The following KLK1 variants were observed in gnomAD, a reference collection of about 807,000 sequenced individuals.
KLK1 encodes kallikrein-1.
In KLK1, 22 loss-of-function variants were observed where a neutral mutation model predicts 23.3. That is an observed-to-expected ratio of 0.95 (90% confidence interval 0.68 to 1.35). KLK1 has a LOEUF of 1.35. KLK1 is among the 40% of genes most tolerant of loss of function. KLK1 has a pLI of 0.00. For missense variants in KLK1, 301 were observed against 338.9 expected (o/e 0.89, Z 0.88); for synonymous variants, 140 against 135.8 (o/e 1.03, Z -0.21).
At chr19:50,822,073 C>G (rs1173273966) in intron 1 of KLK1, 20 of 1,354,216 alleles carry the variant, frequency 1.5e-5, no homozygotes, top group Non-Finnish European at 1.9e-5. Flanking sequence ...GTGGCTGGAC[C>G]TGGTGGGGAG....
intron 2 of KLK1, 132 bp from the exon 3 acceptor site, chr19:50,820,575 G>A (rs1398585375): frequency 6.1e-6 from 4 of 659,468 alleles, no homozygotes; most frequent in African/African-American, 1.8e-5. Flanking sequence ...GACAGAGGAA[G>A]AAAGATATAG....
In KLK1 at chr19:50,820,391, C is replaced by T. The variant is rs764480797; in HGVS notation, c.259G>A (p.Ala87Thr). Residue 87 changes from alanine to threonine, a missense_variant, in exon 3 of 5, where the codon GCC becomes ACC. Transcript: ENST00000301420. ...CTCTCACTGACATGAACAAACTGGG[C>T]TGTGTTTTCGTCGTCAAACAAGTTG... Reference protein sequence around the residue: ...RHNLFDDENTAQFVHVSESFP... With the variant: ...RHNLFDDENTTQFVHVSESFP... 21 of 1,611,586 alleles carry T rather than the reference C, an allele frequency of 1.3e-5. No individual in the cohort carries two copies. In the South Asian group the frequency reaches 2.3e-4, roughly 18 times the overall value.
intron 2 of KLK1, 140 bp from the exon 3 acceptor site, chr19:50,820,583 T>C (rs961227147): frequency 1.4e-5 from 9 of 639,030 alleles, no homozygotes; most frequent in South Asian, 1.4e-4. Context: ...AAGAAAGATA[T>C]AGTTATGGAG....
rs761980515 is a variant in KLK1, at chr19:50,819,899, C to T, written c.633G>A (p.Val211=). 4 of 1,614,004 alleles carry T rather than the reference C, an allele frequency of 2.5e-6. No homozygotes were observed. The South Asian group carries it at 4.4e-5, about 18-fold the overall frequency. ...GHLEGGKDTC[V]GDSGGPLMCD... is the part of the protein sequence containing the mutation. ...GACCCTGGGGGCAGGGCTGCCTCAC[C>T]ACACAGGTGTCTTTGCCACCTTCCA... The change falls in exon 4 of 5, where the codon GTG becomes GTA. Residue 211 remains valine, a splice_region_variant and synonymous_variant. Coordinates refer to ENST00000301420, the MANE Select transcript of KLK1 (RefSeq NM_002257.4).
intron 1 of KLK1, chr19:50,822,468 C>G: frequency 2.0e-6 from 2 of 985,542 alleles, no homozygotes; most frequent in Non-Finnish European, 1.2e-6. Context: ...AAGGGGCCAG[C>G]TTGGCTGGGA....
rs1175986763 is a variant in KLK1 at position 50,823,786 on chromosome 19, C to T, written c.-38G>A. 1 of 1,585,400 alleles carries T rather than the reference C, an allele frequency of 6.3e-7. No individual in the cohort carries two copies. The highest frequency in any genetic ancestry group is 2.2e-5 in the East Asian group (1 of 44,612). On this transcript the variant is annotated 5_prime_UTR_variant, in exon 1 of 5. Transcript: ENST00000301420. ...GTCCAGGGGCCAGCAGGTGGAGGAA[C>T]TGGGGAACCTCCCTGGGGAGGCTTT...
In KLK1 at chr19:50,822,224, G is replaced by T. The variant is rs567187241; in HGVS notation, c.47-353C>A. The stretch of plus-strand genomic sequence containing the variant: ...ATGGGAGGTGGTGGGTTAGGGGAGT[G>T]GAAAGGGATTCTGGAAACCAGGGAT... On this transcript the variant is annotated intron_variant, in intron 1 of 4. Transcript: ENST00000301420. The T allele has an allele frequency of 1.1e-5, 11 of 1,027,002 alleles. No homozygotes were observed. The South Asian group carries it at 4.0e-4, about 37-fold the overall frequency. The allele number at this position is 1,027,002 out of a possible 1,614,324, so 63.6% of individuals were successfully genotyped here. A position where few individuals can be genotyped will look rare whatever the true frequency, so the allele number is the denominator to read the frequency against.
chr19:50,822,843 C>T, intron 1 of KLK1: 1 of 978,704 alleles, frequency 1.0e-6, no homozygotes, highest in Non-Finnish European at 1.2e-6. Context: ...ATGCAGGACC[C>T]ACTTGACGTG....
chr19:50,820,557 T>A, intron 2 of KLK1, 114 bp from the exon 3 acceptor site: 1 of 750,680 alleles, frequency 1.3e-6, no homozygotes, highest in Admixed American at 2.6e-5. Flanking sequence ...AAAATGTGGG[T>A]GGGCGGAGAC....
At chr19:50,822,497 T>C in intron 1 of KLK1, 1 of 985,388 alleles carries the variant, frequency 1.0e-6, no homozygotes, top group Non-Finnish European at 1.2e-6. Context: ...TTTCAGGGCT[T>C]CCTGGTTAAA....
chr19:50,820,235 C>T lies in KLK1; in HGVS notation c.415G>A (p.Val139Ile), dbSNP rs2089816212. ...GGTTCCTCGGTGGGCAACTCCACGA[C>T]CTTCACAGCATCTGTGATGGTATCA... ...PADTITDAVK[V>I]VELPTEEPEV... Residue 139 changes from valine to isoleucine, a missense_variant, in exon 3 of 5, where the codon GTC (valine) becomes ATC (isoleucine). Coordinates refer to ENST00000301420, the MANE Select transcript of KLK1 (RefSeq NM_002257.4). 2 of 1,613,728 alleles carry T rather than the reference C, an allele frequency of 1.2e-6. No individual in the cohort carries two copies. The highest frequency in any genetic ancestry group is 2.2e-5 in the East Asian group (1 of 44,856).
rs745742964 is a variant in KLK1, at chr19:50,821,846, C to A, written c.72G>T (p.Arg24=). ...GCTCACACTCCCAGCCTCCCACAAT[C>A]CGGGACTGAATCGGGGGCGCAGCAC... The part of the protein sequence containing the change: ...GTGAAPPIQS[R]IVGGWECEQH... The change falls in exon 2 of 5, where the codon CGG becomes CGT. Residue 24 remains arginine, a synonymous_variant. Transcript: ENST00000301420. The surrounding 1 kb of genome is among the most constrained non-coding windows in gnomAD (Gnocchi z 5.6). The A allele has an allele frequency of 1.2e-6, 2 of 1,612,406 alleles. No homozygotes were observed. The highest frequency in any genetic ancestry group is 2.2e-5 in the South Asian group (2 of 90,958).
rs755223008 is a variant in KLK1, at chr19:50,820,470, G to A, written c.207-27C>T. ...TGGGGAAAGATGGGAATGGAGGGAT[G>A]AGAAGACGGGAAGGGGAAAAGGGGA... On this transcript the variant is annotated intron_variant, in intron 2 of 4. Transcript: ENST00000301420. 9.2e-6 allele frequency: 10 copies of A among 1,092,154 alleles called. No individual in the cohort carries two copies. The African/African-American group carries it at 9.9e-5, about 11-fold the overall frequency. The allele number at this position is 1,092,154 out of a possible 1,614,324, so 67.7% of individuals were successfully genotyped here.
chr19:50,823,558 A>G (rs1336000707), intron 1 of KLK1, 145 bp downstream of exon 1: 3 of 522,310 alleles, frequency 5.7e-6, no homozygotes, highest in Non-Finnish European at 1.0e-5. Context: ...GATAGATAAG[A>G]GCCGGGGCAC....
Position 50,819,902 on chromosome 19 carries a change from A to G in KLK1, c.630T>C (p.Cys210=), listed in dbSNP as rs1307026291. The G allele has an allele frequency of 1.2e-6, 2 of 1,614,104 alleles. No homozygotes were observed. Among genetic ancestry groups the G allele is most frequent in the South Asian group, 2.2e-5 (2 of 91,076 alleles). ...VGHLEGGKDT[C]VGDSGGPLMC... ...CCTGGGGGCAGGGCTGCCTCACCAC[A>G]CAGGTGTCTTTGCCACCTTCCAGGT... The change falls in exon 4 of 5, where the codon TGT becomes TGC. Residue 210 remains cysteine, a synonymous_variant. Transcript: ENST00000301420.
At position 50,823,733 on chromosome 19, in the gene KLK1, G is replaced by A. The variant is rs1414000302; in HGVS notation, c.16C>T (p.Leu6=). 6 of 1,611,120 alleles carry A rather than the reference G, an allele frequency of 3.7e-6. No individual in the cohort carries two copies. In the Admixed American group the frequency reaches 6.7e-5, roughly 18 times the overall value. MWFLV[L]CLALSLGGTG... ...CCCCCCAGGGACAGGGCGAGGCACA[G>A]AACCAGGAACCACATGGTGACAGAG... Residue 6 remains leucine, a synonymous_variant, in exon 1 of 5, where the codon CTG becomes TTG. Coordinates refer to ENST00000301420, the MANE Select transcript of KLK1 (RefSeq NM_002257.4).
intron 4 of KLK1, among the ~76,000 whole-genome samples, 187 bp from the exon 5 acceptor site, chr19:50,819,536 T>C (rs3212836): frequency 0.22 from 33,446 of 152,066 alleles, 4,813 homozygotes; most frequent in East Asian, 0.58. Context: ...GTCCAGCTCC[T>C]GCACATGGGG....
chr19:50,819,671 G>A (rs573926623), intron 4 of KLK1, among the ~76,000 whole-genome samples: 9 of 152,204 alleles, frequency 5.9e-5, no homozygotes, highest in Non-Finnish European at 7.4e-5. Flanking sequence ...CTGACTCGAC[G>A]GTAACAACAC....
chr19:50,820,039 C>CG lies in KLK1; in HGVS notation c.497-5dup. On this transcript the variant is annotated splice_polypyrimidine_tract_variant and splice_region_variant and intron_variant, in intron 3 of 4. Transcript: ENST00000301420. The stretch of plus-strand genomic sequence containing the variant: ...TGGAGATCATCTGGAAATGAGACTA[C>CG]GAACCCGGGAGAAAAAGGGCTGCAG... The CG allele has an allele frequency of 6.2e-7, 1 of 1,613,936 alleles. No individual in the cohort carries two copies. The highest frequency in any genetic ancestry group is 8.5e-7 in the Non-Finnish European group (1 of 1,179,908).
Sources: gnomAD v4.1 joint callset for allele counts (sites outside exome capture counted in the v4.1 genomes callset) on GRCh38, gnomAD v4.1.1 for gene constraint, Gnocchi (gnomAD v3.1) non-coding constraint, MANE v1.5 for transcripts, NCBI Gene and HGNC (gene_info 2026-07-23, HGNC 2026-07-21) for gene names.